CMTR1: variants seen among roughly 807,000 people sequenced by gnomAD.
CMTR1 encodes cap-specific mRNA (nucleoside-2'-O-)-methyltransferase 1.
A neutral mutation model predicts 107.0 loss-of-function variants in CMTR1; 39 were observed. The observed-to-expected ratio is 0.36, with a 90% CI of 0.28 to 0.48. CMTR1 has a LOEUF of 0.48. Ranked by LOEUF, CMTR1 falls within the 20% of genes least tolerant of loss-of-function variation. The probability of loss-of-function intolerance (pLI) is 0.99; values close to 1 mark genes in which losing one functional copy is unlikely to be tolerated. For missense variants in CMTR1, 672 were observed against 1,064.9 expected, an observed-to-expected ratio of 0.63 and a Z score of 5.14; for synonymous variants, 366 against 379.5, an observed-to-expected ratio of 0.96 and a Z score of 0.41.
At chr6:37,430,330 C>A (rs1358651194), upstream of CMTR1, among the ~76,000 whole-genome samples, 1 of 151,984 alleles carries the variant, frequency 6.6e-6, no homozygotes, top group African/African-American at 2.4e-5. Context: ...ATGAAATGTG[C>A]TGTTTCCATT....
Position 37,435,722 on chromosome 6 carries a change from C to T in CMTR1, c.93C>T (p.Ser31=), listed in dbSNP as rs971998102. ...TTGCCCTGAGCCTCAGCTCCACGTC[C>T]GATGATGAACCTCCCTCCTCTGTCA... The part of the protein sequence containing the change: ...AELALSLSST[S]DDEPPSSVSH... Residue 31 remains serine, a synonymous_variant, in exon 2 of 24, where the codon TCC becomes TCT. Coordinates refer to ENST00000373451, the MANE Select transcript of CMTR1 (RefSeq NM_015050.3). The T allele has an allele frequency of 6.9e-6, 11 of 1,600,686 alleles. No individual in the cohort carries two copies. The East Asian group carries it at 1.1e-4, about 17-fold the overall frequency.
chr6:37,480,299 G>GA lies in CMTR1; in HGVS notation c.*156dup, dbSNP rs1282604160. The GA allele has an allele frequency of 1.9e-5, 27 of 1,444,602 alleles. No homozygotes were observed. Among genetic ancestry groups the GA allele is most frequent in the Non-Finnish European group, 2.4e-5 (27 of 1,114,478 alleles). 89.5% of individuals were successfully genotyped at this position (1,444,602 alleles called of 1,614,324 possible). A position where few individuals can be genotyped will look rare whatever the true frequency, so the allele number is the denominator to read the frequency against. On this transcript the variant is annotated 3_prime_UTR_variant, in exon 24 of 24. Coordinates refer to ENST00000373451, the MANE Select transcript of CMTR1 (RefSeq NM_015050.3). ...GTGGGTGGCCTCCTCTCCATCCCCT[G>GA]AAGAGCTCAGGCAGGGCCCTGCAGA...
chr6:37,432,193 G>C (rs1359173034), upstream of CMTR1, among the ~76,000 whole-genome samples: 2 of 152,192 alleles, frequency 1.3e-5, no homozygotes, highest in African/African-American at 4.8e-5. Context: ...AGGCATACCT[G>C]AAGAAGGGGT....
intron 6 of CMTR1, among the ~76,000 whole-genome samples, chr6:37,452,545 A>T (rs1358067830): frequency 6.6e-6 from 1 of 152,158 alleles, no homozygotes; most frequent in Non-Finnish European, 1.5e-5. Context: ...GAGCTCAGGT[A>T]ATGTGAGGAT....
In CMTR1 at chr6:37,475,355, T is replaced by C. The variant is rs1300030023; in HGVS notation, c.1979T>C (p.Ile660Thr). The part of the protein sequence containing the change: ...KAQRKISAIH[I>T]LDVLVLNGTD... Reference sequence around the variant, plus strand: ...CAGAGGAAGATCAGTGCCATCCACATCCTCGATGTCCTTGTGCTGAATGGC... The same window carrying C: ...CAGAGGAAGATCAGTGCCATCCACACCCTCGATGTCCTTGTGCTGAATGGC... The change falls in exon 19 of 24, where the codon ATC becomes ACC. Residue 660 changes from isoleucine (I) to threonine (T), a missense_variant. Coordinates refer to ENST00000373451, the MANE Select transcript of CMTR1 (RefSeq NM_015050.3). 1.2e-6 allele frequency: 2 copies of C among 1,603,280 alleles called. No homozygotes were observed. Among genetic ancestry groups the C allele is most frequent in the East Asian group, 2.3e-5 (1 of 44,162 alleles).
chr6:37,442,550 C>T (rs915605918), intron 2 of CMTR1, among the ~76,000 whole-genome samples: 15 of 152,256 alleles, frequency 9.9e-5, no homozygotes, highest in African/African-American at 3.4e-4. Context: ...CAGGAGTGAC[C>T]CTGTCCAATG....
intron 10 of CMTR1, among the ~76,000 whole-genome samples, chr6:37,460,063 C>A (rs1391863212): frequency 1.3e-5 from 2 of 152,176 alleles, no homozygotes; most frequent in African/African-American, 2.4e-5. Flanking sequence ...TGTCTATGGG[C>A]AGCTGCTTGA....
chr6:37,461,725 TG>T, intron 11 of CMTR1, 80 bp downstream of exon 11: 1 of 1,030,498 alleles, frequency 9.7e-7, no homozygotes, highest in Non-Finnish European at 1.4e-6. Context: ...AAGGGGTTGG[TG>T]GGGAAGTTAA....
At chr6:37,443,887 C>A in intron 2 of CMTR1, 112 bp from the exon 3 acceptor site, 2 of 1,197,804 alleles carry the variant, frequency 1.7e-6, no homozygotes, top group Non-Finnish European at 2.3e-6. Context: ...ATTTAATGAA[C>A]TTTATATGTG....
chr6:37,455,667 A>G (rs1233867417), intron 8 of CMTR1, among the ~76,000 whole-genome samples: 1 of 152,162 alleles, frequency 6.6e-6, no homozygotes, highest in East Asian at 1.9e-4. Flanking sequence ...GAAATTAGAC[A>G]TCATTTGTCT....
At chr6:37,434,060 C>G (rs1771464719) in intron 1 of CMTR1, among the ~76,000 whole-genome samples, 1 of 152,212 alleles carries the variant, frequency 6.6e-6, no homozygotes, top group African/African-American at 2.4e-5. Context: ...TGGCTAGAAG[C>G]AAGCTCTGTG....
chr6:37,445,910 C>T (rs1771784097), intron 3 of CMTR1, among the ~76,000 whole-genome samples: 1 of 152,170 alleles, frequency 6.6e-6, no homozygotes, highest in Admixed American at 6.5e-5. Context: ...GAAGTTACAG[C>T]TTGAAGCGGT....
chr6:37,475,308 C>A lies in CMTR1; in HGVS notation c.1945-13C>A. The A allele has an allele frequency of 1.2e-6, 2 of 1,610,824 alleles. No individual in the cohort carries two copies. Among genetic ancestry groups the A allele is most frequent in the African/African-American group, 1.3e-5 (1 of 75,012 alleles). On this transcript the variant is annotated splice_polypyrimidine_tract_variant and intron_variant, in intron 18 of 23. Transcript: ENST00000373451. ...CCTGGCAGAGTGGGCAGTGTACCTA[C>A]TTATCCTTCTAGGGGAAGGCCCAGA...
rs910185044 is a variant in CMTR1, at chr6:37,463,494, T to A, written c.1505+486T>A. ...GATCCAAATGCTGTTTTCTGTATCT[T>A]CTTTGTTTTCCCCACTCCCTGTTAG... On this transcript the variant is annotated intron_variant, in intron 13 of 23. Transcript: ENST00000373451. Among the ~76,000 whole-genome samples the A allele has an allele frequency of 4.6e-5, 7 of 152,218 alleles. No homozygotes were observed. In the East Asian group the frequency reaches 1.2e-3, roughly 25 times the overall value.
intron 2 of CMTR1, 62 bp downstream of exon 2, chr6:37,435,824 A>G: frequency 9.9e-6 from 15 of 1,509,150 alleles, no homozygotes; most frequent in Non-Finnish European, 1.3e-5. Flanking sequence ...CACAGTGTCT[A>G]ATCTAGGTGG....
At chr6:37,451,784 T>C in intron 5 of CMTR1, 22 bp from the exon 6 acceptor site, 1 of 1,597,410 alleles carries the variant, frequency 6.3e-7, no homozygotes, top group Non-Finnish European at 8.6e-7. Flanking sequence ...GGTCATTACT[T>C]ACTGCTTTTT....
chr6:37,460,930 C>G (rs1761390674), intron 10 of CMTR1, among the ~76,000 whole-genome samples: 1 of 152,112 alleles, frequency 6.6e-6, no homozygotes, highest in East Asian at 1.9e-4. Flanking sequence ...AGGAGGGAGA[C>G]CACTCTAGAA....
chr6:37,471,720 T>C (rs1323047266), intron 14 of CMTR1, 127 bp from the exon 15 acceptor site: 4 of 721,278 alleles, frequency 5.5e-6, no homozygotes, highest in Non-Finnish European at 6.9e-6. Flanking sequence ...AGTGGCAGCA[T>C]AGTGTCTGTG....
intron 13 of CMTR1, among the ~76,000 whole-genome samples, chr6:37,466,194 C>CGTCTGCCTCCCGGGTTCAAGCAATT (rs1284408335): frequency 2.7e-5 from 4 of 147,790 alleles, no homozygotes; most frequent in African/African-American, 1.0e-4. Flanking sequence ...CTCACTGCAA[C>CGTCTGCCTCCCGGGTTCAAGCAATT]CTCTGCCTCC....
Sources: allele counts gnomAD v4.1 joint callset (sites outside exome capture counted in the v4.1 genomes callset), GRCh38; gene constraint gnomAD v4.1.1; transcripts MANE v1.5; gene names NCBI Gene and HGNC (gene_info 2026-07-23, HGNC 2026-07-21).